RTEL1: variants seen among roughly 807,000 people sequenced by gnomAD.
RTEL1 encodes regulator of telomere length.
A neutral mutation model predicts 162.2 loss-of-function variants in RTEL1; 86 were observed. The observed-to-expected ratio is 0.53, with a 90% CI of 0.45 to 0.63. The LOEUF (loss-of-function observed/expected upper bound fraction) is 0.63. Among genes scored for constraint, RTEL1 ranks in the 30% least tolerant of loss-of-function variants. The pLI, the probability that RTEL1 is intolerant of heterozygous loss-of-function variation, is 0.00. For synonymous variants in RTEL1, 958 were observed against 717.9 expected (o/e 1.33, Z -5.35); for missense variants, 1,941 against 1,750.2 (o/e 1.11, Z -1.95).
Position 63,661,353 on chromosome 20 carries a change from TGTG to T in RTEL1, c.159_161del (p.Cys54del). 1 of 1,613,460 alleles carries T rather than the reference TGTG, an allele frequency of 6.2e-7. No homozygotes were observed. Reference sequence around the variant, plus strand: ...GGTACAGGGAAGACGCTGTGCCTGCTGTGCACCACGCTGGCCTGGCGAGAACAC... The same window carrying T: ...GGTACAGGGAAGACGCTGTGCCTGCTCACCACGCTGGCCTGGCGAGAACAC... On this transcript the variant is annotated inframe_deletion, in exon 3 of 35. Transcript: ENST00000360203. The surrounding 1 kb of genome is among the most constrained non-coding windows in gnomAD (Gnocchi z 5.1).
At chr20:63,693,462 T>TTGACCACCA (rs377133003) in intron 30 of RTEL1, among the ~76,000 whole-genome samples, 179 bp downstream of exon 30, 2 of 9,546 alleles carry the variant, frequency 2.1e-4, no homozygotes, top group Admixed American at 1.4e-3. Context: ...CACCTCCACC[T>TTGACCACCA]CCACCTCCAC....
At chr20:63,658,129 G>C (rs1336268055), upstream of RTEL1, 2 of 152,346 alleles carry the variant, frequency 1.3e-5, no homozygotes, top group Non-Finnish European at 2.9e-5. Flanking sequence ...CAAGGGAGGA[G>C]ACGGGCGGGA....
intron 23 of RTEL1, 31 bp from the exon 24 acceptor site, chr20:63,689,719 G>GC (rs1568711049): frequency 1.2e-6 from 2 of 1,606,480 alleles, no homozygotes; most frequent in Non-Finnish European, 1.7e-6. Flanking sequence ...GGCCAAGGGA[G>GC]CCCCCGTGAC....
chr20:63,677,721 C>T (rs1432246708), intron 10 of RTEL1, among the ~76,000 whole-genome samples: 4 of 151,036 alleles, frequency 2.6e-5, no homozygotes, highest in Admixed American at 1.3e-4. Flanking sequence ...TTGGCCTGCA[C>T]GGATTCTGTG....
At chr20:63,670,763 G>A (rs528213088) in intron 8 of RTEL1, among the ~76,000 whole-genome samples, 2 of 151,274 alleles carry the variant, frequency 1.3e-5, no homozygotes, top group South Asian at 4.2e-4. Flanking sequence ...CTGGGGGATC[G>A]CTTAAGCCCA....
In RTEL1 at chr20:63,695,322, C is replaced by T. The variant is rs781733108; in HGVS notation, c.3500-6C>T. The T allele has an allele frequency of 1.3e-6, 2 of 1,565,728 alleles. No homozygotes were observed. The highest frequency in any genetic ancestry group is 2.3e-5 in the East Asian group (1 of 44,408). ...GCCCCCCTCAGACTCAAGTCTCTGT[C>T]TCCAGGCCCCTCACGGTCCGAGAAG... is the stretch of plus-strand genomic sequence containing the variant. On this transcript the variant is annotated splice_polypyrimidine_tract_variant and splice_region_variant and intron_variant, in intron 33 of 34. Transcript: ENST00000360203.
intron 9 of RTEL1, 50 bp from the exon 10 acceptor site, chr20:63,673,890 C>T (rs201320771): frequency 1.1e-4 from 167 of 1,534,116 alleles, no homozygotes; most frequent in Middle Eastern, 1.0e-3. Flanking sequence ...CTTTCTGGAA[C>T]CCCCGATCCT....
intron 30 of RTEL1, 150 bp downstream of exon 30, chr20:63,693,433 C>A (rs1601186334): frequency 2.3e-6 from 2 of 855,346 alleles, no homozygotes; most frequent in Non-Finnish European, 1.8e-6. Flanking sequence ...TCCACCTCCA[C>A]CACCAGCACC....
rs187938166 is a variant in RTEL1, at chr20:63,693,940, C to T, written c.2993-432C>T. On this transcript the variant is annotated intron_variant, in intron 30 of 34. Coordinates refer to ENST00000360203, the MANE Select transcript of RTEL1 (RefSeq NM_001283009.2). ...GCCAGGGTCCTAGGGTCCTAGACCC[C>T]TGTCCTCCCTGTTTCTGCCTCTGTT... Among the ~76,000 whole-genome samples, 304 of 151,350 alleles carry T rather than the reference C, an allele frequency of 2.0e-3. 1 individual carries two copies. The highest frequency in any genetic ancestry group is 6.6e-3 in the African/African-American group (271 of 41,156).
Position 63,673,946 on chromosome 20 carries a change from A to G in RTEL1, c.772A>G (p.Met258Val). The G allele has an allele frequency of 6.2e-7, 1 of 1,611,250 alleles. No homozygotes were observed. Among genetic ancestry groups the G allele is most frequent in the Non-Finnish European group, 8.5e-7 (1 of 1,178,162 alleles). ...IFDEAHNVEK[M>V]CEESASFDLT... is the part of the protein sequence containing the mutation. ...GGGTGTGCTTGGGCTCTAGGAGAAG[A>G]TGTGTGAAGAATCGGCATCCTTTGA... Residue 258 changes from methionine to valine, a missense_variant, in exon 10 of 35, where the codon ATG becomes GTG. Transcript: ENST00000360203.
In RTEL1 at chr20:63,661,563, G is replaced by C; in HGVS notation, c.301+67G>C. On this transcript the variant is annotated intron_variant, in intron 3 of 34. Transcript: ENST00000360203. The surrounding 1 kb of genome is among the most constrained non-coding windows in gnomAD (Gnocchi z 5.1). ...TGGTTGGCAAGGGATGGCGCTGAGG[G>C]TGGGGTGGGCCCATGGGGACTCCTG... The C allele has an allele frequency of 6.7e-7, 1 of 1,496,568 alleles. No individual in the cohort carries two copies. The highest frequency in any genetic ancestry group is 1.4e-5 in the African/African-American group (1 of 72,538). The allele number at this position is 1,496,568 out of a possible 1,614,324, so 92.7% of individuals were successfully genotyped here.
At chr20:63,666,921 G>C (rs1409944248) in intron 7 of RTEL1, among the ~76,000 whole-genome samples, 1 of 146,814 alleles carries the variant, frequency 6.8e-6, no homozygotes, top group Non-Finnish European at 1.5e-5. Flanking sequence ...CTCACTGCAA[G>C]CTCCGCCTCC....
chr20:63,661,698 A>T lies in RTEL1; in HGVS notation c.302-152A>T. On this transcript the variant is annotated intron_variant, in intron 3 of 34. Coordinates refer to ENST00000360203, the MANE Select transcript of RTEL1 (RefSeq NM_001283009.2). The surrounding 1 kb of genome is among the most constrained non-coding windows in gnomAD (Gnocchi z 5.1). ...TTTTTGCTGAATTAGGGCACGGCAG[A>T]TGCCCACTTCACCCATTTTTGATAA... The T allele has an allele frequency of 1.2e-6, 1 of 861,726 alleles. No individual in the cohort carries two copies. The highest frequency in any genetic ancestry group is 1.8e-6 in the Non-Finnish European group (1 of 544,784). The allele number at this position is 861,726 out of a possible 1,614,324, so 53.4% of individuals were successfully genotyped here. A position where few individuals can be genotyped will look rare whatever the true frequency, so the allele number is the denominator to read the frequency against.
chr20:63,693,540 ACCACCACCACCACCTCCACCT>A (rs2090858113), intron 30 of RTEL1, among the ~76,000 whole-genome samples: 2 of 13,918 alleles, frequency 1.4e-4, no homozygotes, highest in Admixed American at 1.6e-3. Context: ...CACCACCACC[ACCACCACCACCACCTCCACCT>A]CCACCACCTC....
chr20:63,671,733 C>T (rs937133779), intron 8 of RTEL1, among the ~76,000 whole-genome samples: 11 of 151,372 alleles, frequency 7.3e-5, no homozygotes, highest in East Asian at 2.0e-4. Flanking sequence ...CCTCGTGATC[C>T]GCCTGCCTCG....
intron 10 of RTEL1, 46 bp downstream of exon 10, chr20:63,674,139 C>T: frequency 6.4e-7 from 1 of 1,555,202 alleles, no homozygotes; most frequent in Middle Eastern, 2.3e-4. Flanking sequence ...TGCGCTGCTG[C>T]AGGGTGAGCC....
chr20:63,681,572 A>C (rs970375170), intron 14 of RTEL1: 2 of 985,080 alleles, frequency 2.0e-6, no homozygotes, highest in Non-Finnish European at 2.4e-6. Flanking sequence ...GGGAGGCCGC[A>C]GAAGAACCCT....
Position 63,687,923 on chromosome 20 carries a change from C to G in RTEL1, c.1482-14C>G. 6.2e-7 allele frequency: 1 copy of G among 1,611,714 alleles called. No homozygotes were observed. Among genetic ancestry groups the G allele is most frequent in the Non-Finnish European group, 8.5e-7 (1 of 1,179,052 alleles). ...TGCACTTCCCCACTGTCTGCTCCCT[C>G]TGGCCACGCTCAGCCCTTTCCCAGT... On this transcript the variant is annotated splice_polypyrimidine_tract_variant and intron_variant, in intron 17 of 34. Coordinates refer to ENST00000360203, the MANE Select transcript of RTEL1 (RefSeq NM_001283009.2).
intron 10 of RTEL1, among the ~76,000 whole-genome samples, chr20:63,677,084 C>T (rs185984394): frequency 1.2e-3 from 152 of 122,946 alleles, no homozygotes; most frequent in African/African-American, 4.7e-3. Context: ...GTCCTGACCC[C>T]GGCGGTTGTG....
Sources: gnomAD v4.1 joint callset for allele counts (sites outside exome capture counted in the v4.1 genomes callset) on GRCh38, gnomAD v4.1.1 for gene constraint, Gnocchi (gnomAD v3.1) non-coding constraint, MANE v1.5 for transcripts, NCBI Gene and HGNC (gene_info 2026-07-23, HGNC 2026-07-21) for gene names.